Variants in VEZT observed in about 807,000 individuals in gnomAD.
VEZT encodes the protein vezatin.
In VEZT, 39 loss-of-function variants were observed where a neutral mutation model predicts 79.9. The observed-to-expected ratio is 0.49, with a 90% confidence interval of 0.38 to 0.64. The LOEUF is 0.64. Ranked by LOEUF, VEZT falls within the 30% of genes least tolerant of loss-of-function variation. The pLI is 0.00. For missense variants in VEZT, 837 were observed against 893.1 expected (o/e 0.94, Z 0.80); for synonymous variants, 325 against 327.6 (o/e 0.99, Z 0.09).
chr12:95,284,920 C>T (rs2070220916), intron 8 of VEZT, among the ~76,000 whole-genome samples: 2 of 151,824 alleles, frequency 1.3e-5, no homozygotes, highest in Admixed American at 6.6e-5. Flanking sequence ...CCCATCTCTA[C>T]TAAAAATACA....
intron 9 of VEZT, among the ~76,000 whole-genome samples, chr12:95,290,172 T>C (rs1193047651): frequency 6.6e-6 from 1 of 152,226 alleles, no homozygotes; most frequent in Non-Finnish European, 1.5e-5. Flanking sequence ...TCATGCTCTT[T>C]ATTCTCCTTT....
intron 2 of VEZT, among the ~76,000 whole-genome samples, chr12:95,253,510 A>ACATTCACTGG (rs2062953096): frequency 6.6e-6 from 1 of 152,190 alleles, no homozygotes; most frequent in Non-Finnish European, 1.5e-5. Flanking sequence ...GTTCCTGGGA[A>ACATTCACTGG]GTGGTTTGTA....
At chr12:95,281,308 C>G (rs1348929443) in intron 7 of VEZT, among the ~76,000 whole-genome samples, 3 of 151,848 alleles carry the variant, frequency 2.0e-5, no homozygotes, top group African/African-American at 7.3e-5. Context: ...ATACTGAGAC[C>G]CCATCTCTAA....
At chr12:95,238,880 A>G (rs1183600261) in intron 1 of VEZT, among the ~76,000 whole-genome samples, 1 of 152,244 alleles carries the variant, frequency 6.6e-6, no homozygotes, top group Non-Finnish European at 1.5e-5. Flanking sequence ...AAGAGACTGG[A>G]TAAATAAATC....
At chr12:95,227,334 CTTTT>C (rs62891361) in intron 1 of VEZT, among the ~76,000 whole-genome samples, 4 of 126,100 alleles carry the variant, frequency 3.2e-5, no homozygotes, top group Non-Finnish European at 4.9e-5. Context: ...CTAATTTTTT[CTTTT>C]TTTTTTTTTT....
intron 1 of VEZT, among the ~76,000 whole-genome samples, chr12:95,220,815 G>C (rs1194359375): frequency 6.6e-6 from 1 of 152,078 alleles, no homozygotes; most frequent in Non-Finnish European, 1.5e-5. Flanking sequence ...GAACCTTTTT[G>C]TATGTGTTTG....
rs920818538 is a variant in VEZT at position 95,282,298 on chromosome 12, T to C, written c.997-15T>C. The C allele has an allele frequency of 6.4e-7, 1 of 1,566,030 alleles. No individual in the cohort carries two copies. Among genetic ancestry groups the C allele is most frequent in the African/African-American group, 1.4e-5 (1 of 72,590 alleles). ...TATTTTTATTGATCTAGTTCTTTTT[T>C]CTTTTTTCTTTAAGGTTTTGTTCCA... is the stretch of plus-strand genomic sequence containing the variant. On this transcript the variant is annotated splice_polypyrimidine_tract_variant and intron_variant, in intron 7 of 11. Transcript: ENST00000436874.
intron 7 of VEZT, among the ~76,000 whole-genome samples, chr12:95,280,456 C>G (rs552102571): frequency 1.2e-4 from 17 of 142,940 alleles, no homozygotes; most frequent in Non-Finnish European, 1.9e-4. Context: ...TCTCTCCCCC[C>G]CTTTCATATG....
intron 1 of VEZT, among the ~76,000 whole-genome samples, chr12:95,233,737 G>A (rs367724092): frequency 1.6e-4 from 24 of 152,196 alleles, no homozygotes; most frequent in East Asian, 1.3e-3. Context: ...TATTCTCAGC[G>A]CAATTACATT....
chr12:95,264,319 C>G (rs1021412246), intron 4 of VEZT, among the ~76,000 whole-genome samples: 7 of 152,068 alleles, frequency 4.6e-5, no homozygotes, highest in Non-Finnish European at 8.8e-5. Context: ...ACTATGAGAC[C>G]TATAAATGAT....
At chr12:95,239,057 A>G (rs2060545117) in intron 1 of VEZT, among the ~76,000 whole-genome samples, 1 of 152,258 alleles carries the variant, frequency 6.6e-6, no homozygotes, top group Non-Finnish European at 1.5e-5. Context: ...CTATTCATAC[A>G]TATATAAGTG....
intron 2 of VEZT, 189 bp downstream of exon 2, chr12:95,252,260 A>C (rs981003103): frequency 2.1e-6 from 1 of 470,040 alleles, no homozygotes; most frequent in Non-Finnish European, 3.5e-6. Context: ...TAGGTAATTT[A>C]TATCCAGTGA....
intron 1 of VEZT, among the ~76,000 whole-genome samples, chr12:95,251,586 A>G (rs1396930531): frequency 6.6e-6 from 1 of 152,182 alleles, no homozygotes; most frequent in Admixed American, 6.5e-5. Context: ...TGAGTTATCT[A>G]TAACATTGGC....
intron 10 of VEZT, among the ~76,000 whole-genome samples, chr12:95,294,723 TAAA>T (rs2073770052): frequency 6.6e-6 from 1 of 152,200 alleles, no homozygotes. Context: ...ACCTCACTTT[TAAA>T]AACAATTTTT....
chr12:95,276,957 A>C (rs1361692268), intron 7 of VEZT, among the ~76,000 whole-genome samples: 1 of 152,010 alleles, frequency 6.6e-6, no homozygotes, highest in Non-Finnish European at 1.5e-5. Context: ...GCAGATTCTT[A>C]TGTCACTTCT....
chr12:95,276,522 A>G (rs2067816003), intron 7 of VEZT, among the ~76,000 whole-genome samples: 1 of 151,802 alleles, frequency 6.6e-6, no homozygotes, highest in Non-Finnish European at 1.5e-5. Flanking sequence ...TGCCCACATC[A>G]GCCTCCCAAA....
Position 95,217,875 on chromosome 12 carries a change from G to A in VEZT, c.25G>A (p.Val9Met), listed in dbSNP as rs771580794. ...GATGACACCGGAGTTTGACGAAGAG[G>A]TGGTTTTTGAGGTAAGAGGAAAATG... MTPEFDEE[V>M]VFENSPLYQY... The change falls in exon 1 of 12, where the codon GTG becomes ATG. Residue 9 changes from valine to methionine, a missense_variant. Val to Met is a conservative substitution (Grantham distance 21). Coordinates refer to ENST00000436874, the MANE Select transcript of VEZT (RefSeq NM_017599.4). 1.3e-6 allele frequency: 2 copies of A among 1,528,266 alleles called. No individual in the cohort carries two copies. Among genetic ancestry groups the A allele is most frequent in the Non-Finnish European group, 1.7e-6 (2 of 1,143,132 alleles). 94.7% of individuals were successfully genotyped at this position (1,528,266 alleles called of 1,614,324 possible).
At chr12:95,242,553 T>C (rs2061165959) in intron 1 of VEZT, among the ~76,000 whole-genome samples, 1 of 152,196 alleles carries the variant, frequency 6.6e-6, no homozygotes, top group African/African-American at 2.4e-5. Flanking sequence ...CCTCAGTAGC[T>C]GGGACTACGT....
At chr12:95,273,959 G>A (rs1209648839) in intron 6 of VEZT, among the ~76,000 whole-genome samples, 1 of 152,122 alleles carries the variant, frequency 6.6e-6, no homozygotes, top group South Asian at 2.1e-4. Context: ...GTAAGGATGA[G>A]GGCAGAGGAA....
Sources: allele counts gnomAD v4.1 joint callset (sites outside exome capture counted in the v4.1 genomes callset), GRCh38; gene constraint gnomAD v4.1.1; transcripts MANE v1.5; gene names NCBI Gene and HGNC (gene_info 2026-07-23, HGNC 2026-07-21).